The following ENTPD7 variants were observed in gnomAD, a reference collection of about 807,000 sequenced individuals.
The protein encoded by ENTPD7 is NTPDase 7.
Under a neutral mutation model 77.9 loss-of-function variants are expected in ENTPD7, and 53 were observed. The ratio of observed to expected loss-of-function variants is 0.68; its 90% CI spans 0.55 to 0.85. ENTPD7 has a LOEUF of 0.85. Among genes scored for constraint, ENTPD7 ranks in the 40% least tolerant of loss-of-function variants. The probability of loss-of-function intolerance (pLI) is 0.00; values close to 1 mark genes in which losing one functional copy is unlikely to be tolerated. For missense variants in ENTPD7, 636 were observed against 743.7 expected (o/e 0.86, Z 1.68); for synonymous variants, 248 against 274.9 (o/e 0.90, Z 0.97).
chr10:99,708,739 T>C lies in ENTPD7; in HGVS notation c.*4056T>C. 1 of 747,456 alleles carries C rather than the reference T, an allele frequency of 1.3e-6. No individual in the cohort carries two copies. Among genetic ancestry groups the C allele is most frequent in the South Asian group, 6.0e-5 (1 of 16,632 alleles). The allele number at this position is 747,456 out of a possible 1,614,324, so 46.3% of individuals were successfully genotyped here. A position where few individuals can be genotyped will look rare whatever the true frequency, so the allele number is the denominator to read the frequency against. ...TTCAGAAGAGTTTTAAAGCTTCTGG[T>C]CAACCCCCTTGATTTATATGGGTGA... On this transcript the variant is annotated 3_prime_UTR_variant, in exon 13 of 13. Transcript: ENST00000370489.
At chr10:99,675,075 G>A (rs1430022809) in intron 3 of ENTPD7, among the ~76,000 whole-genome samples, 1 of 152,140 alleles carries the variant, frequency 6.6e-6, no homozygotes, top group East Asian at 1.9e-4. Context: ...ACTATTTTTA[G>A]TTAAAAGAAT....
chr10:99,710,509 T>C lies in ENTPD7; in HGVS notation c.*5826T>C, dbSNP rs2036347737. On this transcript the variant is annotated 3_prime_UTR_variant, in exon 13 of 13. Coordinates refer to ENST00000370489, the MANE Select transcript of ENTPD7 (RefSeq NM_020354.5). ...TTGCTTTGGGGAGTTGTTAAGACTCTGTTTTTTCTACTGCTTCACATTAAA... is the reference window on the plus strand; with the variant it reads ...TTGCTTTGGGGAGTTGTTAAGACTCCGTTTTTTCTACTGCTTCACATTAAA... 1.0e-6 allele frequency: 1 copy of C among 985,420 alleles called. No individual in the cohort carries two copies. The allele number at this position is 985,420 out of a possible 1,614,324, so 61.0% of individuals were successfully genotyped here.
Position 99,709,493 on chromosome 10 carries a change from AC to A in ENTPD7, c.*4811del. 1 of 985,114 alleles carries A rather than the reference AC, an allele frequency of 1.0e-6. No individual in the cohort carries two copies. 61.0% of individuals were successfully genotyped at this position (985,114 alleles called of 1,614,324 possible). A position where few individuals can be genotyped will look rare whatever the true frequency, so the allele number is the denominator to read the frequency against. On this transcript the variant is annotated 3_prime_UTR_variant, in exon 13 of 13. Transcript: ENST00000370489. ...AAAATATTGCTGTTAAAAAACTAAG[AC>A]TCAAAACCAAAAGTTGTGATTAATA... is the stretch of plus-strand genomic sequence containing the variant.
At chr10:99,663,469 T>G (rs546065474) in intron 3 of ENTPD7, among the ~76,000 whole-genome samples, 4 of 151,644 alleles carry the variant, frequency 2.6e-5, no homozygotes, top group African/African-American at 9.7e-5. Context: ...TTATTTGTTT[T>G]TTTTTTTTTT....
Position 99,659,960 on chromosome 10 carries a change from G to C in ENTPD7, c.4G>C (p.Ala2Pro). Residue 2 changes from alanine to proline, a missense_variant, in exon 2 of 13, where the codon GCT becomes CCT. Around this residue, in one of 3 missense-constraint regions of ENTPD7, gnomAD observed 486 missense variants for 556.5 expected, o/e 0.87. Coordinates refer to ENST00000370489, the MANE Select transcript of ENTPD7 (RefSeq NM_020354.5). This position sits in a 1 kb window ranked among gnomAD's most constrained non-coding sequence, Gnocchi z 4.1. ...TTGAGACCACCGAAGGGAACCCATG[G>C]CTAGGTAAGGCTGCACACTTTCCCT... M[A>P]RISFSYLCPA... is the part of the protein sequence containing the mutation. The C allele has an allele frequency of 6.2e-7, 1 of 1,614,012 alleles. No homozygotes were observed. Among genetic ancestry groups the C allele is most frequent in the East Asian group, 2.2e-5 (1 of 44,880 alleles).
In ENTPD7 at chr10:99,661,502, G is replaced by A. The variant is rs755748626; in HGVS notation, c.65G>A (p.Ser22Asn). 2 of 1,613,918 alleles carry A rather than the reference G, an allele frequency of 1.2e-6. No homozygotes were observed. Among genetic ancestry groups the A allele is most frequent in the East Asian group, 2.2e-5 (1 of 44,876 alleles). The change falls in exon 3 of 13, where the codon AGT (serine) becomes AAT (asparagine). Residue 22 changes from serine to asparagine, a missense_variant. Physicochemically the swap from Ser to Asn is conservative, Grantham distance 46. This residue lies in a region of ENTPD7 where 486 missense variants were observed against 556.5 expected (regional missense o/e 0.87). Transcript: ENST00000370489. ...ASWYFTVPTV[S>N]PFLRQRVAFL... is the part of the protein sequence containing the mutation. ...TGGTACTTCACTGTGCCCACAGTGA[G>A]TCCATTTCTCCGTCAGCGGGTGGCA... is the stretch of plus-strand genomic sequence containing the variant.
chr10:99,687,131 G>A (rs544584887), intron 6 of ENTPD7, among the ~76,000 whole-genome samples: 6 of 151,050 alleles, frequency 4.0e-5, no homozygotes, highest in South Asian at 4.2e-4. Flanking sequence ...TGGTCAGGCT[G>A]GTCTCAAACT....
At chr10:99,660,230 C>T (rs919020590) in intron 2 of ENTPD7, 4 of 817,492 alleles carry the variant, frequency 4.9e-6, no homozygotes, top group Non-Finnish European at 5.9e-6. Flanking sequence ...GATTCAGATT[C>T]GCATCTGAGC....
rs1440670925 is a variant in ENTPD7, at chr10:99,705,368, C to G, written c.*685C>G. On this transcript the variant is annotated 3_prime_UTR_variant, in exon 13 of 13. Transcript: ENST00000370489. ...GAAGATTTTAGTATCTTATCTGATG[C>G]CTGGTATGATGAGGATAGAAAATTT... 1 of 152,592 alleles carries G rather than the reference C, an allele frequency of 6.6e-6. No individual in the cohort carries two copies. Among genetic ancestry groups the G allele is most frequent in the Non-Finnish European group, 1.5e-5 (1 of 68,066 alleles). The allele number at this position is 152,592 out of a possible 1,614,324, so 9.5% of individuals were successfully genotyped here.
Position 99,670,048 on chromosome 10 carries a change from C to T in ENTPD7, c.191+8420C>T, listed in dbSNP as rs76889295. Among the ~76,000 whole-genome samples, 207 of 152,196 alleles carry T rather than the reference C, an allele frequency of 1.4e-3. 1 individual carries two copies. Among genetic ancestry groups the T allele is most frequent in the African/African-American group, 4.9e-3 (203 of 41,528 alleles). On this transcript the variant is annotated intron_variant, in intron 3 of 12. Transcript: ENST00000370489. ...ACAGGCGTGAGTCACTGCGCCCGGC[C>T]GAGATGTGTGTTTTAATCAACTATT...
chr10:99,702,926 T>C (rs532426772), intron 12 of ENTPD7, among the ~76,000 whole-genome samples: 84 of 151,864 alleles, frequency 5.5e-4, no homozygotes, highest in South Asian at 3.5e-3. Flanking sequence ...AATCCAGCTT[T>C]ATTTGTTTAC....
chr10:99,683,258 T>G (rs976374489), intron 5 of ENTPD7, among the ~76,000 whole-genome samples: 3 of 152,202 alleles, frequency 2.0e-5, no homozygotes, highest in Non-Finnish European at 4.4e-5. Context: ...GAACCTGTTT[T>G]GTATGATTAA....
At chr10:99,686,886 G>C (rs1486514429) in intron 6 of ENTPD7, among the ~76,000 whole-genome samples, 2 of 145,572 alleles carry the variant, frequency 1.4e-5, no homozygotes, top group East Asian at 4.0e-4. Flanking sequence ...TTGATCTCAA[G>C]TTCTGAGCTG....
Position 99,659,863 on chromosome 10 carries a change from CTGCAGACGTAGGAGA to C in ENTPD7, c.-90_-76del. 6.4e-7 allele frequency: 1 copy of C among 1,567,326 alleles called. No individual in the cohort carries two copies. The highest frequency in any genetic ancestry group is 8.8e-7 in the Non-Finnish European group (1 of 1,141,820). On this transcript the variant is annotated splice_region_variant and 5_prime_UTR_variant, in exon 2 of 13. The change abolishes an upstream ATG in the 5' untranslated region. Coordinates refer to ENST00000370489, the MANE Select transcript of ENTPD7 (RefSeq NM_020354.5). The surrounding 1 kb of genome is among the most constrained non-coding windows in gnomAD (Gnocchi z 4.1). ...AAGCCTGAAATCAAATCTTTCTAGG[CTGCAGACGTAGGAGA>C]TGCCTGGGACAAGGAGGCCACCTTC...
Position 99,698,746 on chromosome 10 carries a change from T to C in ENTPD7, c.1223T>C (p.Ile408Thr), listed in dbSNP as rs770917437. 6.8e-6 allele frequency: 11 copies of C among 1,614,230 alleles called. No homozygotes were observed. The highest frequency in any genetic ancestry group is 6.6e-5 in the South Asian group (6 of 91,086). ...ASLNGIYQSPIDFNNSEFYGF... is the reference protein window; with the variant it reads ...ASLNGIYQSPTDFNNSEFYGF... ...CTCAATGGCATATATCAATCGCCTA[T>C]TGACTTCAACAACAGCGAGTTCTAC... The change falls in exon 10 of 13, where the codon ATT becomes ACT. Residue 408 changes from isoleucine to threonine, a missense_variant. Transcript: ENST00000370489.
intron 3 of ENTPD7, among the ~76,000 whole-genome samples, chr10:99,664,401 C>T (rs914686997): frequency 6.6e-6 from 1 of 151,690 alleles, no homozygotes; most frequent in African/African-American, 2.4e-5. Flanking sequence ...GCTGGGATTA[C>T]AGATGTGAGC....
chr10:99,695,114 G>C (rs2035949230), intron 8 of ENTPD7, among the ~76,000 whole-genome samples: 1 of 152,160 alleles, frequency 6.6e-6, no homozygotes, highest in African/African-American at 2.4e-5. Flanking sequence ...TTCAGCCTCT[G>C]CCCTTGAGGT....
At chr10:99,686,002 G>T in intron 6 of ENTPD7, 107 bp downstream of exon 6, 1 of 677,972 alleles carries the variant, frequency 1.5e-6, no homozygotes, top group South Asian at 2.3e-5. Flanking sequence ...TAATTTTTCT[G>T]CCAATAATTT....
At chr10:99,687,211 G>A (rs866611640) in intron 6 of ENTPD7, among the ~76,000 whole-genome samples, 31 of 146,246 alleles carry the variant, frequency 2.1e-4, no homozygotes, top group South Asian at 1.1e-3. Context: ...CACTGCGGCC[G>A]GCCCGTGATT....
Sources: allele counts gnomAD v4.1 joint callset (sites outside exome capture counted in the v4.1 genomes callset), GRCh38; gene constraint gnomAD v4.1.1; regional missense constraint gnomAD v4.1.1; non-coding constraint Gnocchi (gnomAD v3.1); transcripts MANE v1.5; gene names NCBI Gene and HGNC (gene_info 2026-07-23, HGNC 2026-07-21).